Variants in NQO1 observed in about 807,000 individuals in gnomAD.
The protein encoded by NQO1 is NAD(P)H dehydrogenase [quinone] 1.
In NQO1, 30 loss-of-function variants were observed where a neutral mutation model predicts 32.1. The observed-to-expected ratio is 0.94, with a 90% confidence interval of 0.70 to 1.27. The LOEUF (loss-of-function observed/expected upper bound fraction) is 1.27. NQO1 is among the 50% of genes most tolerant of loss of function. NQO1 has a pLI of 0.00. For missense variants in NQO1, 276 were observed against 331.3 expected, an observed-to-expected ratio of 0.83 and a Z score of 1.30; for synonymous variants, 109 against 119.7, an observed-to-expected ratio of 0.91 and a Z score of 0.59.
At position 69,709,618 on chromosome 16, in the gene NQO1, G is replaced by T. The variant is rs2038010114; in HGVS notation, c.*1358C>A. On this transcript the variant is annotated 3_prime_UTR_variant, in exon 6 of 6. Transcript: ENST00000320623. ...TCCAATCCCTTCATTTTCTTGGCAAGTAAGAGGCTGTCTCCCATTTTTCAG... is the reference window on the plus strand; with the variant it reads ...TCCAATCCCTTCATTTTCTTGGCAATTAAGAGGCTGTCTCCCATTTTTCAG... The T allele has an allele frequency of 7.6e-6, 3 of 394,222 alleles. No individual in the cohort carries two copies. Among genetic ancestry groups the T allele is most frequent in the Non-Finnish European group, 1.3e-5 (3 of 223,874 alleles). 24.4% of individuals were successfully genotyped at this position (394,222 alleles called of 1,614,324 possible). A position where few individuals can be genotyped will look rare whatever the true frequency, so the allele number is the denominator to read the frequency against.
At chr16:69,715,300 G>T (rs1345261014) in intron 3 of NQO1, among the ~76,000 whole-genome samples, 1 of 152,232 alleles carries the variant, frequency 6.6e-6, no homozygotes, top group Non-Finnish European at 1.5e-5. Flanking sequence ...CAAATATTGA[G>T]TGGGTCCGAG....
intron 1 of NQO1, among the ~76,000 whole-genome samples, chr16:69,723,887 T>A (rs1025760173): frequency 1.3e-5 from 2 of 152,174 alleles, no homozygotes; most frequent in Non-Finnish European, 1.5e-5. Flanking sequence ...TCCTGCCACT[T>A]AACTAGCTGA....
chr16:69,726,358 G>C, intron 1 of NQO1, 75 bp downstream of exon 1: 1 of 1,582,962 alleles, frequency 6.3e-7, no homozygotes, highest in Non-Finnish European at 8.6e-7. Flanking sequence ...TCAGGGCCAA[G>C]CCCCTACAAC....
At position 69,718,153 on chromosome 16, in the gene NQO1, C is replaced by G. The variant is rs2038139311; in HGVS notation, c.273G>C (p.Lys91Asn). Reference sequence around the variant, plus strand: ...ATATCACAAGGTCTGCGGCTTCCAGCTTCTTTTGTTCAGCCACAATATCTG... The same window carrying G: ...ATATCACAAGGTCTGCGGCTTCCAGGTTCTTTTGTTCAGCCACAATATCTG... ...LSPDIVAEQK[K>N]LEAADLVIFQ... Residue 91 changes from lysine to asparagine, a missense_variant, in exon 3 of 6, where the codon AAG becomes AAC. Transcript: ENST00000320623. 6.2e-7 allele frequency: 1 copy of G among 1,613,938 alleles called. No individual in the cohort carries two copies. The highest frequency in any genetic ancestry group is 1.3e-5 in the African/African-American group (1 of 74,918).
At chr16:69,718,324 G>A in intron 2 of NQO1, 46 bp downstream of exon 2, 1 of 1,613,522 alleles carries the variant, frequency 6.2e-7, no homozygotes. Flanking sequence ...CAGGCAAGGA[G>A]ATCCGCAAAG....
chr16:69,712,888 T>C, intron 5 of NQO1, 140 bp downstream of exon 5: 1 of 678,982 alleles, frequency 1.5e-6, no homozygotes, highest in Non-Finnish European at 2.5e-6. Flanking sequence ...TGCCTGTCAG[T>C]AGGCTGAGGC....
chr16:69,724,272 C>T (rs968228130), intron 1 of NQO1, among the ~76,000 whole-genome samples: 1 of 152,096 alleles, frequency 6.6e-6, no homozygotes, highest in Non-Finnish European at 1.5e-5. Context: ...AAGATCACGC[C>T]ACTGCACTAC....
chr16:69,713,170 C>T (rs2038063701), intron 4 of NQO1, 41 bp from the exon 5 acceptor site: 2 of 1,428,080 alleles, frequency 1.4e-6, no homozygotes, highest in East Asian at 2.3e-5. Context: ...CTTCCCTCCA[C>T]ATCCCCTTGG....
At chr16:69,713,888 G>GTTTTTTTTTTTTTTGTTTGTTTTTGTT (rs376877333) in intron 4 of NQO1, among the ~76,000 whole-genome samples, 2 of 130,030 alleles carry the variant, frequency 1.5e-5, no homozygotes, top group African/African-American at 2.9e-5. Flanking sequence ...TTTTGTTTTT[G>GTTTTTTTTTTTTTTGTTTGTTTTTGTT]TTTTTGATAT....
chr16:69,714,735 C>T (rs560360976), intron 4 of NQO1, among the ~76,000 whole-genome samples: 38 of 151,760 alleles, frequency 2.5e-4, no homozygotes, highest in South Asian at 4.2e-4. Flanking sequence ...CAAAATTAGC[C>T]GGGCATGGTG....
At chr16:69,721,855 T>C (rs1322326318) in intron 1 of NQO1, among the ~76,000 whole-genome samples, 1 of 135,008 alleles carries the variant, frequency 7.4e-6, no homozygotes, top group East Asian at 2.1e-4. Context: ...AAAAAAAAAT[T>C]AGCTGAGCGT....
chr16:69,717,889 G>A (rs1200310241), intron 3 of NQO1: 6 of 513,254 alleles, frequency 1.2e-5, no homozygotes, highest in Non-Finnish European at 2.0e-5. Context: ...GGGATTACAG[G>A]CGTGAGCCAC....
intron 1 of NQO1, 118 bp downstream of exon 1, chr16:69,726,315 T>A (rs1264015658): frequency 2.1e-6 from 3 of 1,414,980 alleles, no homozygotes; most frequent in Non-Finnish European, 2.9e-6. Flanking sequence ...CCTAATCTCT[T>A]CCCTTTGTGG....
chr16:69,709,904 T>C lies in NQO1; in HGVS notation c.*1072A>G. ...GATAAAGAAAATAACCTTCTGAAAA[T>C]TTGTATAGATCAGAAATAAAGTATT... On this transcript the variant is annotated 3_prime_UTR_variant, in exon 6 of 6. Coordinates refer to ENST00000320623, the MANE Select transcript of NQO1 (RefSeq NM_000903.3). The C allele has an allele frequency of 2.5e-6, 1 of 398,372 alleles. No homozygotes were observed. Among genetic ancestry groups the C allele is most frequent in the Non-Finnish European group, 4.4e-6 (1 of 225,954 alleles). 24.7% of individuals were successfully genotyped at this position (398,372 alleles called of 1,614,324 possible). A position where few individuals can be genotyped will look rare whatever the true frequency, so the allele number is the denominator to read the frequency against.
rs748680225 is a variant in NQO1 at position 69,726,414 on chromosome 16, C to G, written c.7+19G>C. 1.9e-6 allele frequency: 3 copies of G among 1,611,882 alleles called. No homozygotes were observed. The South Asian group carries it at 3.3e-5, about 18-fold the overall frequency. ...CTCGAGAGACGACCGCCAAGCACCCCGCCCTTTGCAGCACTCACCGACCAT... is the reference window on the plus strand; with the variant it reads ...CTCGAGAGACGACCGCCAAGCACCCGGCCCTTTGCAGCACTCACCGACCAT... On this transcript the variant is annotated intron_variant, in intron 1 of 5. Transcript: ENST00000320623.
intron 1 of NQO1, among the ~76,000 whole-genome samples, 171 bp downstream of exon 1, chr16:69,726,262 A>C (rs2038260266): frequency 6.6e-6 from 1 of 152,118 alleles, no homozygotes; most frequent in African/African-American, 2.4e-5. Context: ...TACAAACAGA[A>C]GCTCTCCTTC....
chr16:69,716,843 C>T (rs902505216), intron 3 of NQO1, among the ~76,000 whole-genome samples: 57 of 151,998 alleles, frequency 3.8e-4, no homozygotes, highest in African/African-American at 1.3e-3. Context: ...CCCAGCTATT[C>T]GGGAGACTGA....
intron 4 of NQO1, among the ~76,000 whole-genome samples, chr16:69,714,243 C>T (rs1419825533): frequency 6.6e-6 from 1 of 151,698 alleles, no homozygotes; most frequent in South Asian, 2.1e-4. Flanking sequence ...GATCTTGGCT[C>T]ACTGTAACCT....
chr16:69,712,985 T>C, intron 5 of NQO1, 43 bp downstream of exon 5: 1 of 1,461,940 alleles, frequency 6.8e-7, no homozygotes, highest in Non-Finnish European at 9.6e-7. Flanking sequence ...AGAGTGAGAC[T>C]CCGTCTCAAA....
Sources: allele counts gnomAD v4.1 joint callset (sites outside exome capture counted in the v4.1 genomes callset), GRCh38; gene constraint gnomAD v4.1.1; transcripts MANE v1.5; gene names NCBI Gene and HGNC (gene_info 2026-07-23, HGNC 2026-07-21).